The following GALNT7 variants were observed in gnomAD, a reference collection of about 807,000 sequenced individuals.
The protein encoded by GALNT7 is polypeptide N-acetylgalactosaminyltransferase 7, also known as N-acetylgalactosaminyltransferase 7.
Under a neutral mutation model 82.1 loss-of-function variants are expected in GALNT7, and 60 were observed. The ratio of observed to expected loss-of-function variants is 0.73; its 90% CI spans 0.59 to 0.91. The LOEUF is 0.91. GALNT7 is among the 40% of genes least tolerant of loss of function. GALNT7 has a pLI of 0.00. For synonymous variants in GALNT7, 243 were observed against 275.1 expected, an observed-to-expected ratio of 0.88 and a Z score of 1.15; for missense variants, 660 against 804.2, an observed-to-expected ratio of 0.82 and a Z score of 2.17.
At chr4:173,216,721 A>T (rs182567166) in intron 1 of GALNT7, among the ~76,000 whole-genome samples, 875 of 11,196 alleles carry the variant, frequency 0.078, 24 homozygotes, top group African/African-American at 0.13. Context: ...ATATATATAT[A>T]TATATATTTT....
chr4:173,304,988 G>A (rs1737095267), intron 8 of GALNT7, among the ~76,000 whole-genome samples: 2 of 152,140 alleles, frequency 1.3e-5, no homozygotes, highest in Non-Finnish European at 2.9e-5. Context: ...GAACAGGAGT[G>A]TAGATACCTC....
At chr4:173,286,364 G>C (rs1736322143) in intron 2 of GALNT7, among the ~76,000 whole-genome samples, 1 of 152,236 alleles carries the variant, frequency 6.6e-6, no homozygotes, top group African/African-American at 2.4e-5. Context: ...CTGTTAGCCA[G>C]GGACTTTCCT....
At chr4:173,311,347 T>A (rs1016067565) in intron 8 of GALNT7, among the ~76,000 whole-genome samples, 2 of 152,200 alleles carry the variant, frequency 1.3e-5, no homozygotes, top group African/African-American at 4.8e-5. Flanking sequence ...AGATTCAGAA[T>A]GTTTAGTGGT....
At chr4:173,197,063 C>CCT (rs1732800587) in intron 1 of GALNT7, among the ~76,000 whole-genome samples, 2 of 117,946 alleles carry the variant, frequency 1.7e-5, no homozygotes, top group Non-Finnish European at 3.3e-5. Flanking sequence ...CTCTCTCTCC[C>CCT]TTTTTTTTTT....
At chr4:173,170,782 C>G (rs1320956109) in intron 1 of GALNT7, among the ~76,000 whole-genome samples, 1 of 152,182 alleles carries the variant, frequency 6.6e-6, no homozygotes, top group Non-Finnish European at 1.5e-5. Flanking sequence ...TGACGAAAAA[C>G]TGACAAAACT....
chr4:173,203,161 T>C lies in GALNT7; in HGVS notation c.126+34200T>C, dbSNP rs970281291. ...CCCAAGCTGGAGTGCAGTGGCGCAA[T>C]CTAGGCTCTGCAAGCTCCGCCTCCT... On this transcript the variant is annotated intron_variant, in intron 1 of 11. Coordinates refer to ENST00000265000, the MANE Select transcript of GALNT7 (RefSeq NM_017423.3). 2.6e-5 allele frequency among the ~76,000 whole-genome samples: 4 copies of C among 152,254 alleles called. No individual in the cohort carries two copies. In the East Asian group the frequency reaches 7.7e-4, roughly 29 times the overall value.
At chr4:173,170,000 G>A (rs1579870741) in intron 1 of GALNT7, among the ~76,000 whole-genome samples, 1 of 152,124 alleles carries the variant, frequency 6.6e-6, no homozygotes, top group African/African-American at 2.4e-5. Context: ...GGATTTGGAG[G>A]GTTTAGTCAG....
chr4:173,169,556 C>G (rs1442807285), intron 1 of GALNT7: 1 of 151,640 alleles, frequency 6.6e-6, no homozygotes, highest in Non-Finnish European at 1.5e-5. Context: ...GCCCCGCCTC[C>G]GGCTCTTACG....
chr4:173,176,706 T>A (rs1166200071), intron 1 of GALNT7, among the ~76,000 whole-genome samples: 21 of 151,964 alleles, frequency 1.4e-4, no homozygotes, highest in Admixed American at 1.4e-3. Context: ...GCTGGAGAGA[T>A]GAGGACAGAG....
At chr4:173,206,244 C>G (rs1733093372) in intron 1 of GALNT7, among the ~76,000 whole-genome samples, 1 of 152,188 alleles carries the variant, frequency 6.6e-6, no homozygotes, top group African/African-American at 2.4e-5. Flanking sequence ...GGATACCTTG[C>G]TTTAAGCTGT....
At chr4:173,178,944 A>G (rs1291964746) in intron 1 of GALNT7, among the ~76,000 whole-genome samples, 1 of 152,132 alleles carries the variant, frequency 6.6e-6, no homozygotes, top group Non-Finnish European at 1.5e-5. Context: ...TTTAATTTTA[A>G]TTTTTACCAA....
chr4:173,236,828 G>A (rs139604487), intron 1 of GALNT7, among the ~76,000 whole-genome samples: 2 of 152,096 alleles, frequency 1.3e-5, no homozygotes, highest in Non-Finnish European at 2.9e-5. Context: ...CTTTTATATA[G>A]AGTACCTGGC....
At chr4:173,258,165 A>G (rs1194601728) in intron 2 of GALNT7, among the ~76,000 whole-genome samples, 2 of 152,228 alleles carry the variant, frequency 1.3e-5, no homozygotes, top group African/African-American at 4.8e-5. Flanking sequence ...AGAAGAATCT[A>G]TCTATCTTCT....
At chr4:173,220,903 G>A (rs1733623932) in intron 1 of GALNT7, among the ~76,000 whole-genome samples, 1 of 152,050 alleles carries the variant, frequency 6.6e-6, no homozygotes, top group African/African-American at 2.4e-5. Context: ...GTCTATCATT[G>A]TTGGACATTT....
intron 2 of GALNT7, among the ~76,000 whole-genome samples, chr4:173,263,431 T>G (rs1434891659): frequency 6.6e-6 from 1 of 152,224 alleles, no homozygotes; most frequent in Non-Finnish European, 1.5e-5. Flanking sequence ...TCTATTTTAA[T>G]TAACTGATAC....
At chr4:173,312,074 A>G (rs1269150472) in intron 8 of GALNT7, among the ~76,000 whole-genome samples, 1 of 152,230 alleles carries the variant, frequency 6.6e-6, no homozygotes, top group Non-Finnish European at 1.5e-5. Flanking sequence ...TCTCACTACA[A>G]TAGCAGAGTC....
At position 173,248,456 on chromosome 4, in the gene GALNT7, C is replaced by T. The variant is rs1469943125; in HGVS notation, c.587+16C>T. On this transcript the variant is annotated intron_variant, in intron 2 of 11. Transcript: ENST00000265000. Reference sequence around the variant, plus strand: ...GCCAAGAAGAGTAAGCACACATCCTCTTCTTTCTAAAAATGGGGCAACTGT... The same window carrying T: ...GCCAAGAAGAGTAAGCACACATCCTTTTCTTTCTAAAAATGGGGCAACTGT... 5 of 1,491,020 alleles carry T rather than the reference C, an allele frequency of 3.4e-6. No individual in the cohort carries two copies. The South Asian group carries it at 3.6e-5, about 11-fold the overall frequency. The allele number at this position is 1,491,020 out of a possible 1,614,324, so 92.4% of individuals were successfully genotyped here.
intron 10 of GALNT7, 52 bp downstream of exon 10, chr4:173,317,784 G>A: frequency 4.6e-6 from 5 of 1,086,412 alleles, no homozygotes; most frequent in Non-Finnish European, 7.1e-6. Context: ...GGGCCATCAG[G>A]TTTATTGATC....
intron 1 of GALNT7, among the ~76,000 whole-genome samples, chr4:173,244,048 T>C (rs1220245935): frequency 1.3e-5 from 2 of 152,190 alleles, no homozygotes; most frequent in African/African-American, 4.8e-5. Context: ...ACTTACAGTC[T>C]AGTGCAGGGA....
Sources: allele counts gnomAD v4.1 joint callset (sites outside exome capture counted in the v4.1 genomes callset), GRCh38; gene constraint gnomAD v4.1.1; transcripts MANE v1.5; gene names NCBI Gene and HGNC (gene_info 2026-07-23, HGNC 2026-07-21).